The following FOCAD variants were observed in gnomAD, a reference collection of about 807,000 sequenced individuals.
FOCAD encodes the protein focadhesin.
Under a neutral mutation model 225.6 loss-of-function variants are expected in FOCAD, and 198 were observed. The observed-to-expected ratio is 0.88, with a 90% CI of 0.78 to 0.99. The LOEUF is 0.99. FOCAD is among the 50% of genes least tolerant of loss of function. The probability of loss-of-function intolerance (pLI) is 0.00; values close to 1 mark genes in which losing one functional copy is unlikely to be tolerated. For synonymous variants in FOCAD, 897 were observed against 755.0 expected, an observed-to-expected ratio of 1.19 and a Z score of -3.08; for missense variants, 2,713 against 2,123.6, an observed-to-expected ratio of 1.28 and a Z score of -5.46.
intron 10 of FOCAD, among the ~76,000 whole-genome samples, chr9:20,784,289 C>T (rs1201006018): frequency 3.9e-5 from 6 of 152,198 alleles, no homozygotes; most frequent in Non-Finnish European, 5.9e-5. Context: ...TGAAGAGAAG[C>T]CCCTTCTTCC....
At chr9:20,927,106 A>G (rs1420523049) in intron 26 of FOCAD, among the ~76,000 whole-genome samples, 1 of 152,090 alleles carries the variant, frequency 6.6e-6, no homozygotes, top group African/African-American at 2.4e-5. Context: ...GGGCATCAGT[A>G]TTTTGAGAGC....
At chr9:20,802,223 A>ATG (rs1477071127) in intron 11 of FOCAD, among the ~76,000 whole-genome samples, 1 of 152,098 alleles carries the variant, frequency 6.6e-6, no homozygotes, top group Non-Finnish European at 1.5e-5. Flanking sequence ...TTTTGTGAGA[A>ATG]TGGATTACTT....
chr9:20,721,600 A>C (rs1825770431), intron 4 of FOCAD, among the ~76,000 whole-genome samples: 1 of 151,828 alleles, frequency 6.6e-6, no homozygotes, highest in Non-Finnish European at 1.5e-5. Context: ...TACTCAGGAG[A>C]CTAAGGCGTG....
chr9:20,769,114 A>T (rs1817909327), intron 7 of FOCAD, among the ~76,000 whole-genome samples: 1 of 152,166 alleles, frequency 6.6e-6, no homozygotes. Context: ...AGAGCAAAAT[A>T]ATTTATACCA....
intron 35 of FOCAD, chr9:20,957,473 C>CTTTTTTTTTTTTTTTTTTTTTTTTTTTT (rs1434022347): frequency 2.0e-5 from 1 of 49,460 alleles, no homozygotes; most frequent in Non-Finnish European, 4.3e-5. Flanking sequence ...AACATCTTTT[C>CTTTTTTTTTTTTTTTTTTTTTTTTTTTT]TTTTCTTTTT....
intron 2 of FOCAD, among the ~76,000 whole-genome samples, chr9:20,662,521 T>C (rs1488655638): frequency 6.6e-6 from 1 of 152,204 alleles, no homozygotes. Context: ...ACTGGGGACT[T>C]TGTCCAGCCT....
chr9:20,669,933 C>G (rs1285641322), intron 2 of FOCAD, among the ~76,000 whole-genome samples: 4 of 152,120 alleles, frequency 2.6e-5, no homozygotes, highest in Non-Finnish European at 5.9e-5. Flanking sequence ...AGCCCAGATT[C>G]TGAGATATTT....
chr9:20,725,114 T>C (rs1426225562), intron 4 of FOCAD, among the ~76,000 whole-genome samples: 1 of 152,152 alleles, frequency 6.6e-6, no homozygotes, highest in African/African-American at 2.4e-5. Flanking sequence ...AGAGGTAGCA[T>C]TGAGCCAAGA....
Position 20,978,414 on chromosome 9 carries a change from T to C in FOCAD, c.4337T>C (p.Leu1446Ser), listed in dbSNP as rs1840395051. ...AQSSQNAAAL[L>S]GLWVTPPLIH... ...TCATCCCAGAATGCAGCTGCACTAT[T>C]GGGCTTGTGGGTGACACCACCACTG... is the stretch of plus-strand genomic sequence containing the variant. Residue 1446 changes from leucine (L) to serine (S), a missense_variant, in exon 37 of 44, where the codon TTG (leucine) becomes TCG (serine). By Grantham distance (145) the Leu-to-Ser change is moderately radical. Coordinates refer to ENST00000338382, the MANE Select transcript of FOCAD (RefSeq NM_001375567.1). The C allele has an allele frequency of 6.2e-7, 1 of 1,612,202 alleles. No individual in the cohort carries two copies. The highest frequency in any genetic ancestry group is 1.3e-5 in the African/African-American group (1 of 74,994).
At chr9:20,719,501 G>C (rs1825608471) in intron 3 of FOCAD, among the ~76,000 whole-genome samples, 1 of 151,276 alleles carries the variant, frequency 6.6e-6, no homozygotes, top group Non-Finnish European at 1.5e-5. Context: ...TTCATTATTT[G>C]TTCTTTTTTT....
chr9:20,813,159 C>T (rs1398875398), intron 11 of FOCAD, among the ~76,000 whole-genome samples: 1 of 152,026 alleles, frequency 6.6e-6, no homozygotes, highest in African/African-American at 2.4e-5. Context: ...ATTGTGTCCT[C>T]AAGGTTCATC....
In FOCAD at chr9:20,981,001, A is replaced by G. The variant is rs564401546; in HGVS notation, c.4378-425A>G. Among the ~76,000 whole-genome samples, 3 of 152,338 alleles carry G rather than the reference A, an allele frequency of 2.0e-5. No individual in the cohort carries two copies. The South Asian group carries it at 6.2e-4, about 32-fold the overall frequency. On this transcript the variant is annotated intron_variant, in intron 37 of 43. Transcript: ENST00000338382. ...TTTCTCAGAAGAAGAAATTAATAGT[A>G]TCAGATGCTCTGTTTAGTTGATTTT...
intron 19 of FOCAD, chr9:20,875,799 A>T (rs1201301345): frequency 6.6e-6 from 1 of 152,160 alleles, no homozygotes; most frequent in African/African-American, 2.4e-5. Flanking sequence ...TTTTCTGATC[A>T]TTAAAAAGTT....
intron 1 of FOCAD, among the ~76,000 whole-genome samples, chr9:20,700,030 C>T (rs151002952): frequency 9.9e-5 from 15 of 151,594 alleles, no homozygotes; most frequent in African/African-American, 3.6e-4. Context: ...CTAATGAACT[C>T]CTGCCCAGGA....
At chr9:20,677,740 T>G (rs2131292694) in intron 2 of FOCAD, among the ~76,000 whole-genome samples, 2 of 152,228 alleles carry the variant, frequency 1.3e-5, no homozygotes, top group South Asian at 4.1e-4. Context: ...GGTGGAAATG[T>G]AAATTGGCAG....
chr9:20,666,300 A>G (rs990437164), intron 2 of FOCAD, among the ~76,000 whole-genome samples: 1 of 152,120 alleles, frequency 6.6e-6, no homozygotes, highest in African/African-American at 2.4e-5. Context: ...GGCTGGGTGC[A>G]GTGTCTTGCC....
chr9:20,926,876 A>G (rs548352467), intron 26 of FOCAD, among the ~76,000 whole-genome samples: 1 of 151,578 alleles, frequency 6.6e-6, no homozygotes, highest in East Asian at 1.9e-4. Flanking sequence ...CACCTGGGGA[A>G]CTTTAAATAC....
chr9:20,657,020 T>G (rs1203278935), upstream of FOCAD, among the ~76,000 whole-genome samples: 1 of 152,158 alleles, frequency 6.6e-6, no homozygotes, highest in Non-Finnish European at 1.5e-5. Context: ...AGTATTTTGT[T>G]TCTCCTTCGC....
At chr9:20,796,749 C>A (rs1821157189) in intron 11 of FOCAD, among the ~76,000 whole-genome samples, 1 of 151,978 alleles carries the variant, frequency 6.6e-6, no homozygotes, top group South Asian at 2.1e-4. Flanking sequence ...CAAAATTTTT[C>A]TCCCATTCTG....
Sources: gnomAD v4.1 joint callset for allele counts (sites outside exome capture counted in the v4.1 genomes callset) on GRCh38, gnomAD v4.1.1 for gene constraint, MANE v1.5 for transcripts, NCBI Gene and HGNC (gene_info 2026-07-23, HGNC 2026-07-21) for gene names.